COBL: variants seen among roughly 807,000 people sequenced by gnomAD.
The protein encoded by COBL is protein cordon-bleu.
A neutral mutation model predicts 98.8 loss-of-function variants in COBL; 51 were observed. The observed-to-expected ratio is 0.52, with a 90% CI of 0.41 to 0.65. The LOEUF is 0.65. COBL is among the 30% of genes least tolerant of loss of function. COBL has a pLI of 0.00. For missense variants in COBL, 1,617 were observed against 1,617.5 expected (o/e 1.00, Z 0.01); for synonymous variants, 634 against 651.7 (o/e 0.97, Z 0.41).
At chr7:51,274,732 G>A (rs1180140997) in intron 1 of COBL, among the ~76,000 whole-genome samples, 2 of 152,192 alleles carry the variant, frequency 1.3e-5, no homozygotes, top group Admixed American at 1.3e-4. Flanking sequence ...AAAACTCCAA[G>A]TTCAGGGATG....
chr7:51,131,358 T>C (rs1238767271), intron 6 of COBL, among the ~76,000 whole-genome samples: 1 of 152,224 alleles, frequency 6.6e-6, no homozygotes, highest in African/African-American at 2.4e-5. Flanking sequence ...GTATTATATA[T>C]TTGTGGATAA....
At chr7:51,294,777 C>A (rs1042370458) in intron 1 of COBL, among the ~76,000 whole-genome samples, 2 of 152,022 alleles carry the variant, frequency 1.3e-5, no homozygotes, top group Non-Finnish European at 2.9e-5. Context: ...TGTTTTTATA[C>A]CCCCTGTAGA....
At chr7:51,175,682 A>AC (rs1417030449) in intron 5 of COBL, among the ~76,000 whole-genome samples, 15 of 152,212 alleles carry the variant, frequency 9.9e-5, no homozygotes, top group Admixed American at 9.2e-4. Flanking sequence ...AGGAAACCAA[A>AC]ATATTCCTCT....
intron 3 of COBL, among the ~76,000 whole-genome samples, chr7:51,192,452 A>G (rs967965446): frequency 1.3e-5 from 2 of 152,100 alleles, no homozygotes; most frequent in African/African-American, 2.4e-5. Context: ...TACTAAATAC[A>G]CAAATTAGCC....
intron 6 of COBL, among the ~76,000 whole-genome samples, chr7:51,108,420 A>G (rs1796515125): frequency 6.6e-6 from 1 of 152,190 alleles, no homozygotes. Context: ...GATGCTGTCA[A>G]CAGTGCTGCT....
chr7:51,230,327 T>C (rs530254734), intron 1 of COBL, among the ~76,000 whole-genome samples: 2 of 152,302 alleles, frequency 1.3e-5, no homozygotes, highest in Admixed American at 6.5e-5. Context: ...ATTTCAGTCA[T>C]GGCTTCATTA....
chr7:51,284,258 G>A (rs562804619), intron 1 of COBL, among the ~76,000 whole-genome samples: 7 of 150,294 alleles, frequency 4.7e-5, no homozygotes, highest in Non-Finnish European at 7.4e-5. Context: ...CAGAGATTGC[G>A]CCACTGCACT....
intron 6 of COBL, among the ~76,000 whole-genome samples, chr7:51,097,045 T>C (rs1192945147): frequency 2.0e-5 from 3 of 152,092 alleles, no homozygotes; most frequent in Non-Finnish European, 4.4e-5. Context: ...ATAAGAAAAT[T>C]ACAGACCAGT....
At chr7:51,179,156 A>AT (rs1231134003) in intron 5 of COBL, among the ~76,000 whole-genome samples, 5 of 152,158 alleles carry the variant, frequency 3.3e-5, no homozygotes, top group African/African-American at 1.2e-4. Flanking sequence ...CAAAAGCGGC[A>AT]TATTAGGCAT....
intron 1 of COBL, among the ~76,000 whole-genome samples, chr7:51,296,727 T>C (rs1801448850): frequency 6.6e-6 from 1 of 152,180 alleles, no homozygotes; most frequent in Non-Finnish European, 1.5e-5. Context: ...GTGCTAAGTA[T>C]AGGACGAGAG....
chr7:51,142,867 CG>C (rs1784668038), intron 5 of COBL, among the ~76,000 whole-genome samples: 2 of 152,172 alleles, frequency 1.3e-5, no homozygotes, highest in South Asian at 4.2e-4. Context: ...AAATGAGCCC[CG>C]GGGTGCTTCA....
chr7:51,046,158 G>A (rs1387575016), intron 7 of COBL, among the ~76,000 whole-genome samples: 1 of 152,158 alleles, frequency 6.6e-6, no homozygotes, highest in East Asian at 1.9e-4. Context: ...GGGAGGAGAG[G>A]GAACATGGGT....
At chr7:51,191,677 A>G (rs551782387) in intron 3 of COBL, among the ~76,000 whole-genome samples, 2 of 152,292 alleles carry the variant, frequency 1.3e-5, no homozygotes, top group African/African-American at 4.8e-5. Flanking sequence ...AGCTATAAAT[A>G]TATTTTAAAA....
rs371918113 is a variant in COBL, at chr7:51,242,934, G to A, written c.42-22990C>T. 4.9e-4 allele frequency among the ~76,000 whole-genome samples: 74 copies of A among 152,258 alleles called. No homozygotes were observed. In the South Asian group the frequency reaches 0.015, roughly 30 times the overall value. On this transcript the variant is annotated intron_variant, in intron 1 of 12. Transcript: ENST00000265136. ...GTAACCGCTACCAAGGGAAGTCCAGGCCCCAAAGAAGAAGGGCTGGGTGCT... is the reference window on the plus strand; with the variant it reads ...GTAACCGCTACCAAGGGAAGTCCAGACCCCAAAGAAGAAGGGCTGGGTGCT...
chr7:51,069,197 TGA>T (rs991407259), intron 7 of COBL, among the ~76,000 whole-genome samples: 3 of 152,104 alleles, frequency 2.0e-5, no homozygotes, highest in Admixed American at 2.0e-4. Flanking sequence ...GAGAAATGAT[TGA>T]GAGAGAAGGG....
chr7:51,232,324 CCTTT>C (rs1794827603), intron 1 of COBL, among the ~76,000 whole-genome samples: 1 of 112,774 alleles, frequency 8.9e-6, no homozygotes, highest in African/African-American at 3.7e-5. Context: ...TCAGTCTCTT[CCTTT>C]TGCCTTTTCT....
At chr7:51,195,163 T>A (rs1305762877) in intron 2 of COBL, among the ~76,000 whole-genome samples, 1 of 152,200 alleles carries the variant, frequency 6.6e-6, no homozygotes, top group Admixed American at 6.5e-5. Context: ...TAAATTTAAG[T>A]CTTTAATCCA....
chr7:51,314,843 T>C (rs1803381720), intron 1 of COBL, among the ~76,000 whole-genome samples: 1 of 152,198 alleles, frequency 6.6e-6, no homozygotes, highest in Non-Finnish European at 1.5e-5. Context: ...AATTCAAATA[T>C]GAAAGCCAAT....
chr7:51,068,539 T>C (rs73695210), intron 7 of COBL, among the ~76,000 whole-genome samples: 5,183 of 152,344 alleles, frequency 0.034, 268 homozygotes, highest in African/African-American at 0.12. Flanking sequence ...GTTGTGTGCA[T>C]GTCTTATGTA....
Sources: allele counts gnomAD v4.1 joint callset (sites outside exome capture counted in the v4.1 genomes callset), GRCh38; gene constraint gnomAD v4.1.1; transcripts MANE v1.5; gene names NCBI Gene and HGNC (gene_info 2026-07-23, HGNC 2026-07-21).